Variants in GRPEL2 observed in about 807,000 individuals in gnomAD.
GRPEL2 encodes the protein GrpE like 2, mitochondrial.
A neutral mutation model predicts 25.9 loss-of-function variants in GRPEL2; 18 were observed. The ratio of observed to expected loss-of-function variants is 0.70; its 90% confidence interval spans 0.48 to 1.03. The LOEUF is 1.03. Ranked by LOEUF, GRPEL2 falls within the 50% of genes least tolerant of loss-of-function variation. GRPEL2 has a pLI of 0.00. For missense variants in GRPEL2, 247 were observed against 276.2 expected (o/e 0.89, Z 0.75); for synonymous variants, 106 against 107.9 (o/e 0.98, Z 0.11).
chr5:149,349,951 C>T (rs1289506554), intron 3 of GRPEL2: 2 of 548,618 alleles, frequency 3.6e-6, no homozygotes, highest in South Asian at 2.5e-5. Context: ...GGCTGAGGCA[C>T]GAGAATCACT....
At chr5:149,347,423 C>G (rs555623603) in intron 1 of GRPEL2, among the ~76,000 whole-genome samples, 20 of 152,290 alleles carry the variant, frequency 1.3e-4, no homozygotes, top group African/African-American at 4.3e-4. Flanking sequence ...ATTTTACTTA[C>G]AGTCAAATTA....
chr5:149,349,617 G>A, intron 2 of GRPEL2, 37 bp from the exon 3 acceptor site: 1 of 1,414,556 alleles, frequency 7.1e-7, no homozygotes. Context: ...ATAAGTATTT[G>A]TTTTCTCATC....
intron 2 of GRPEL2, among the ~76,000 whole-genome samples, chr5:149,348,646 G>T (rs571900350): frequency 6.6e-6 from 1 of 152,298 alleles, no homozygotes; most frequent in South Asian, 2.1e-4. Flanking sequence ...TCGGTTTCCT[G>T]TTATGTCACA....
rs140177238 is a variant in GRPEL2 at position 149,345,587 on chromosome 5, A to G, written c.48A>G (p.Leu16=). ...LWAGRLRVQR[L]LAWSAAWESK... ...CGGGCCGGCTGCGGGTGCAGCGCCT[A>G]CTGGCCTGGAGTGCCGCGTGGGAGA... Residue 16 remains leucine, a synonymous_variant, in exon 1 of 4, where the codon CTA becomes CTG. Coordinates refer to ENST00000329271, the MANE Select transcript of GRPEL2 (RefSeq NM_152407.4). 3.6e-5 allele frequency: 58 copies of G among 1,611,494 alleles called. No homozygotes were observed. The African/African-American group carries it at 5.5e-4, about 15-fold the overall frequency.
intron 3 of GRPEL2, among the ~76,000 whole-genome samples, chr5:149,350,652 T>C (rs1467383686): frequency 6.6e-6 from 1 of 152,216 alleles, no homozygotes; most frequent in Non-Finnish European, 1.5e-5. Context: ...TTTAAGCCTG[T>C]TGTGTATAGT....
chr5:149,346,383 A>G (rs1024954616), intron 1 of GRPEL2, among the ~76,000 whole-genome samples: 1 of 152,200 alleles, frequency 6.6e-6, no homozygotes, highest in African/African-American at 2.4e-5. Flanking sequence ...GGACCTCTGA[A>G]TAGTAAAGTA....
rs752704936 is a variant in GRPEL2 at position 149,350,947 on chromosome 5, G to C, written c.343G>C (p.Glu115Gln). Reference protein sequence around the residue: ...GIQSFCKDLVEVADILEKTTE... With the variant: ...GIQSFCKDLVQVADILEKTTE... ...CCAGAGTTTCTGTAAGGACTTGGTG[G>C]AGGTGGCTGACATTTTGGAGAAGAC... Residue 115 changes from glutamate (E) to glutamine (Q), a missense_variant, in exon 4 of 4, where the codon GAG becomes CAG. Glu to Gln is a conservative substitution (Grantham distance 29). Around this residue, in one of 2 missense-constraint regions of GRPEL2, gnomAD observed 122 missense variants for 169.2 expected, o/e 0.72. Transcript: ENST00000329271. The C allele has an allele frequency of 1.2e-6, 2 of 1,613,990 alleles. No homozygotes were observed. The highest frequency in any genetic ancestry group is 1.1e-5 in the South Asian group (1 of 91,086).
chr5:149,347,320 C>T (rs1203595564), intron 1 of GRPEL2, among the ~76,000 whole-genome samples: 1 of 152,214 alleles, frequency 6.6e-6, no homozygotes, highest in Non-Finnish European at 1.5e-5. Context: ...AGCCTTTGCT[C>T]AGCTGTCTCC....
At position 149,352,704 on chromosome 5, in the gene GRPEL2, A is replaced by C. The variant is rs1757794896; in HGVS notation, c.*1422A>C. The C allele has an allele frequency of 6.6e-6, 1 of 152,116 alleles. No homozygotes were observed. The highest frequency in any genetic ancestry group is 1.5e-5 in the Non-Finnish European group (1 of 68,026). The allele number at this position is 152,116 out of a possible 1,614,324, so 9.4% of individuals were successfully genotyped here. A position where few individuals can be genotyped will look rare whatever the true frequency, so the allele number is the denominator to read the frequency against. On this transcript the variant is annotated 3_prime_UTR_variant, in exon 4 of 4. Coordinates refer to ENST00000329271, the MANE Select transcript of GRPEL2 (RefSeq NM_152407.4). ...GAAGGCAGTCAATTATGGATATTTT[A>C]ATGTTGGAAGAGGCCTTAATGATCA...
rs1163685803 is a variant in GRPEL2 at position 149,351,542 on chromosome 5, G to A, written c.*260G>A. The A allele has an allele frequency of 9.0e-6, 3 of 334,414 alleles. No individual in the cohort carries two copies. Among genetic ancestry groups the A allele is most frequent in the African/African-American group, 2.1e-5 (1 of 48,234 alleles). 20.7% of individuals were successfully genotyped at this position (334,414 alleles called of 1,614,324 possible). A position where few individuals can be genotyped will look rare whatever the true frequency, so the allele number is the denominator to read the frequency against. Reference sequence around the variant, plus strand: ...AAACATGTTTAGGAAAATTGGTACTGTGATAAATTTGAATCCAAAATCCTT... The same window carrying A: ...AAACATGTTTAGGAAAATTGGTACTATGATAAATTTGAATCCAAAATCCTT... On this transcript the variant is annotated 3_prime_UTR_variant, in exon 4 of 4. Coordinates refer to ENST00000329271, the MANE Select transcript of GRPEL2 (RefSeq NM_152407.4).
rs878867392 is a variant in GRPEL2 at position 149,352,344 on chromosome 5, A to G, written c.*1062A>G. 3 of 149,270 alleles carry G rather than the reference A, an allele frequency of 2.0e-5. No individual in the cohort carries two copies. In the South Asian group the frequency reaches 6.3e-4, roughly 31 times the overall value. 9.2% of individuals were successfully genotyped at this position (149,270 alleles called of 1,614,324 possible). ...TTTTTTTTTTTTTCCTGTGTTGCCC[A>G]GGCTGACCTCCAACTCCTGGGCCCA... On this transcript the variant is annotated 3_prime_UTR_variant, in exon 4 of 4. Transcript: ENST00000329271.
intron 1 of GRPEL2, 43 bp from the exon 2 acceptor site, chr5:149,348,229 T>G (rs749777905): frequency 6.5e-7 from 1 of 1,545,366 alleles, no homozygotes; most frequent in Admixed American, 2.1e-5. Flanking sequence ...TTTTGGCTTA[T>G]GATGGCATTT....
Position 149,351,392 on chromosome 5 carries a change from G to C in GRPEL2, c.*110G>C, listed in dbSNP as rs1757773804. 2 of 1,205,008 alleles carry C rather than the reference G, an allele frequency of 1.7e-6. No homozygotes were observed. Among genetic ancestry groups the C allele is most frequent in the Non-Finnish European group, 2.3e-6 (2 of 869,344 alleles). The allele number at this position is 1,205,008 out of a possible 1,614,324, so 74.6% of individuals were successfully genotyped here. ...GAGGTACTTCATGTGATATGTTTTG[G>C]ATTTAGTCATATTGGCTTTATTTCT... On this transcript the variant is annotated 3_prime_UTR_variant, in exon 4 of 4. Transcript: ENST00000329271.
intron 3 of GRPEL2, 147 bp from the exon 4 acceptor site, chr5:149,350,771 G>C (rs1757761835): frequency 1.2e-5 from 9 of 773,910 alleles, no homozygotes; most frequent in Admixed American, 2.3e-5. Flanking sequence ...GTGGTAATCA[G>C]TGATGATCTC....
At position 149,345,956 on chromosome 5, in the gene GRPEL2, C is replaced by G. The variant is rs2127609197; in HGVS notation, c.77+340C>G. 4 of 334,236 alleles carry G rather than the reference C, an allele frequency of 1.2e-5. No individual in the cohort carries two copies. The South Asian group carries it at 1.4e-4, about 12-fold the overall frequency. The allele number at this position is 334,236 out of a possible 1,614,324, so 20.7% of individuals were successfully genotyped here. On this transcript the variant is annotated intron_variant, in intron 1 of 3. Transcript: ENST00000329271. ...CTGTGGGTAAATTTGGGTTCTCTCC[C>G]CTCACTCCGTGTGACCTAAGGCCAG...
At chr5:149,350,362 A>G (rs1172595591) in intron 3 of GRPEL2, among the ~76,000 whole-genome samples, 4 of 152,226 alleles carry the variant, frequency 2.6e-5, no homozygotes, top group East Asian at 1.9e-4. Flanking sequence ...TAGCAACTTC[A>G]TAGCCAACTT....
chr5:149,348,163 C>T (rs1186693989), intron 1 of GRPEL2, 109 bp from the exon 2 acceptor site: 2 of 991,100 alleles, frequency 2.0e-6, no homozygotes, highest in East Asian at 2.5e-5. Flanking sequence ...TAACTGAAAA[C>T]ACTTTCTCCA....
rs987690689 is a variant in GRPEL2 at position 149,348,358 on chromosome 5, C to T, written c.164C>T (p.Pro55Leu). The change falls in exon 2 of 4, where the codon CCC (proline) becomes CTC (leucine). Residue 55 changes from proline to leucine, a missense_variant. Physicochemically the swap from Pro to Leu is moderately conservative, Grantham distance 98 (BLOSUM62 -3). Around this residue, in one of 2 missense-constraint regions of GRPEL2, gnomAD observed 125 missense variants for 107.0 expected, o/e 1.17. Transcript: ENST00000329271. ...GAGGACCCTCCTGATGAGCTTGGGC[C>T]CCCTCTTGCTGAACGAGCCTTAAGG... ...RSEDPPDELG[P>L]PLAERALRVK... The T allele has an allele frequency of 2.2e-5, 36 of 1,613,262 alleles. No homozygotes were observed. The highest frequency in any genetic ancestry group is 3.1e-5 in the Non-Finnish European group (36 of 1,179,826).
In GRPEL2 at chr5:149,351,373, C is replaced by T. The variant is rs538639295; in HGVS notation, c.*91C>T. 1.2e-4 allele frequency: 152 copies of T among 1,316,054 alleles called. 2 individuals are homozygous for T. The Admixed American group carries it at 1.5e-3, about 13-fold the overall frequency. The allele number at this position is 1,316,054 out of a possible 1,614,324, so 81.5% of individuals were successfully genotyped here. On this transcript the variant is annotated 3_prime_UTR_variant, in exon 4 of 4. Coordinates refer to ENST00000329271, the MANE Select transcript of GRPEL2 (RefSeq NM_152407.4). Reference sequence around the variant, plus strand: ...CTAGGTTTGTATTGTACATGAGGTACTTCATGTGATATGTTTTGGATTTAG... The same window carrying T: ...CTAGGTTTGTATTGTACATGAGGTATTTCATGTGATATGTTTTGGATTTAG...
Sources: allele counts gnomAD v4.1 joint callset (sites outside exome capture counted in the v4.1 genomes callset), GRCh38; gene constraint gnomAD v4.1.1; regional missense constraint gnomAD v4.1.1; transcripts MANE v1.5; gene names NCBI Gene and HGNC (gene_info 2026-07-23, HGNC 2026-07-21).